HERC1: variants seen among roughly 807,000 people sequenced by gnomAD.
The protein encoded by HERC1 is probable E3 ubiquitin-protein ligase HERC1.
Under a neutral mutation model 554.3 loss-of-function variants are expected in HERC1, and 160 were observed. The observed-to-expected ratio is 0.29, with a 90% confidence interval of 0.25 to 0.33. The LOEUF (loss-of-function observed/expected upper bound fraction) is 0.33. Among genes scored for constraint, HERC1 ranks in the 10% least tolerant of loss-of-function variants. The pLI, the probability that HERC1 is intolerant of heterozygous loss-of-function variation, is 1.00. For synonymous variants in HERC1, 2,175 were observed against 2,131.7 expected, an observed-to-expected ratio of 1.02 and a Z score of -0.56; for missense variants, 4,919 against 5,918.5, an observed-to-expected ratio of 0.83 and a Z score of 5.54.
In HERC1 at chr15:63,680,795, A is replaced by G. The variant is rs2071436297; in HGVS notation, c.6226-19T>C. ...TATAAAACTAAAATAAAAGTGGGAT[A>G]TTCATTAATACTCAAAAAATCTATT... On this transcript the variant is annotated intron_variant, in intron 34 of 77. Coordinates refer to ENST00000443617, the MANE Select transcript of HERC1 (RefSeq NM_003922.4). This position sits in a 1 kb window ranked among gnomAD's most constrained non-coding sequence, Gnocchi z 5.8. The G allele has an allele frequency of 6.4e-7, 1 of 1,565,092 alleles. No homozygotes were observed.
intron 12 of HERC1, among the ~76,000 whole-genome samples, chr15:63,744,081 T>C (rs1177804966): frequency 6.6e-6 from 1 of 151,168 alleles, no homozygotes; most frequent in Non-Finnish European, 1.5e-5. Context: ...GAGACTCTTG[T>C]TCTCTTCCCT....
At chr15:63,613,731 G>T (rs1338770778) in intron 76 of HERC1, among the ~76,000 whole-genome samples, 2 of 152,042 alleles carry the variant, frequency 1.3e-5, no homozygotes, top group African/African-American at 4.8e-5. Flanking sequence ...CTACTTGGAA[G>T]GCTAAGGCAG....
At chr15:63,662,099 T>A in intron 44 of HERC1, 78 bp from the exon 45 acceptor site, 1 of 1,338,964 alleles carries the variant, frequency 7.5e-7, no homozygotes, top group Non-Finnish European at 1.0e-6. Context: ...TTATTTATAT[T>A]AAATTACTTT....
intron 24 of HERC1, among the ~76,000 whole-genome samples, chr15:63,709,240 G>A (rs2073171056): frequency 6.6e-6 from 1 of 151,480 alleles, no homozygotes; most frequent in African/African-American, 2.4e-5. Context: ...GAACTCCTGG[G>A]CTCAAGCAAT....
At chr15:63,655,091 T>C (rs2069949198) in intron 50 of HERC1, among the ~76,000 whole-genome samples, 1 of 151,820 alleles carries the variant, frequency 6.6e-6, no homozygotes, top group African/African-American at 2.4e-5. Context: ...TGGTGGCTCA[T>C]GCCTGTAATC....
chr15:63,772,230 A>G (rs1474281568), intron 2 of HERC1, among the ~76,000 whole-genome samples: 3 of 152,072 alleles, frequency 2.0e-5, no homozygotes, highest in Non-Finnish European at 1.5e-5. Context: ...AAAGAAATCT[A>G]TTTTCTGGGG....
chr15:63,796,179 C>G (rs1184283704), intron 1 of HERC1, among the ~76,000 whole-genome samples: 2 of 152,170 alleles, frequency 1.3e-5, no homozygotes, highest in Non-Finnish European at 2.9e-5. Context: ...TTATTTTTTA[C>G]AAGTAGAATA....
chr15:63,733,248 A>C, intron 13 of HERC1, 103 bp from the exon 14 acceptor site: 1 of 715,066 alleles, frequency 1.4e-6, no homozygotes, highest in Admixed American at 2.3e-5. Flanking sequence ...TTACTAGCTT[A>C]ATAAATAATC....
chr15:63,638,663 A>C (rs1350381943), intron 62 of HERC1, 48 bp downstream of exon 62: 2 of 1,592,476 alleles, frequency 1.3e-6, no homozygotes, highest in Admixed American at 3.3e-5. Flanking sequence ...ATTTAGAATC[A>C]AAACATTGAC....
Position 63,758,790 on chromosome 15 carries a change from G to T in HERC1, c.1027-421C>A, listed in dbSNP as rs1026351417. Among the ~76,000 whole-genome samples the T allele has an allele frequency of 1.3e-5, 2 of 152,064 alleles. No homozygotes were observed. Among genetic ancestry groups the T allele is most frequent in the African/African-American group, 4.8e-5 (2 of 41,410 alleles). ...AGAGGATACATAAAAGTGACAAACT[G>T]CACAAAAGAGTCATGCAAATCCATG... On this transcript the variant is annotated intron_variant, in intron 3 of 77. Coordinates refer to ENST00000443617, the MANE Select transcript of HERC1 (RefSeq NM_003922.4). The surrounding 1 kb of genome is among the most constrained non-coding windows in gnomAD (Gnocchi z 4.0).
rs2067476364 is a variant in HERC1 at position 63,608,923 on chromosome 15, T to A, written c.*158A>T. The stretch of plus-strand genomic sequence containing the variant: ...ATCACAGAAAAATAAAAACATCTAA[T>A]TTCTTTGTTACATTTAGAGTAACTA... On this transcript the variant is annotated 3_prime_UTR_variant, in exon 78 of 78. Transcript: ENST00000443617. 5.5e-6 allele frequency: 3 copies of A among 549,946 alleles called. No individual in the cohort carries two copies. The South Asian group carries it at 1.5e-4, about 27-fold the overall frequency. 34.1% of individuals were successfully genotyped at this position (549,946 alleles called of 1,614,324 possible).
chr15:63,800,294 T>C (rs2076938906), intron 1 of HERC1, among the ~76,000 whole-genome samples: 1 of 152,160 alleles, frequency 6.6e-6, no homozygotes, highest in African/African-American at 2.4e-5. Flanking sequence ...AAGAACAAAA[T>C]CTCTCCTCTG....
At chr15:63,786,730 T>G (rs904754791) in intron 1 of HERC1, among the ~76,000 whole-genome samples, 2 of 152,076 alleles carry the variant, frequency 1.3e-5, no homozygotes, top group Admixed American at 1.3e-4. Flanking sequence ...GAAAGTAGAT[T>G]AGTAGTTGCC....
intron 1 of HERC1, among the ~76,000 whole-genome samples, chr15:63,799,211 T>C (rs934304633): frequency 6.6e-6 from 1 of 152,122 alleles, no homozygotes; most frequent in Non-Finnish European, 1.5e-5. Flanking sequence ...TAACAAAAAG[T>C]AGCTATTGGC....
chr15:63,760,242 G>C (rs1157943910), intron 3 of HERC1, among the ~76,000 whole-genome samples: 1 of 151,664 alleles, frequency 6.6e-6, no homozygotes, highest in Admixed American at 6.6e-5. Context: ...AAAAAAAACA[G>C]AGGGAGGGAG....
intron 1 of HERC1, among the ~76,000 whole-genome samples, chr15:63,811,633 C>A (rs2077314207): frequency 6.6e-6 from 1 of 151,640 alleles, no homozygotes; most frequent in Non-Finnish European, 1.5e-5. Context: ...CATGGTGAAA[C>A]CCCGTCTCTC....
Position 63,756,578 on chromosome 15 carries a change from T to G in HERC1, c.1392A>C (p.Lys464Asn). The G allele has an allele frequency of 6.2e-7, 1 of 1,613,956 alleles. No homozygotes were observed. Among genetic ancestry groups the G allele is most frequent in the Non-Finnish European group, 8.5e-7 (1 of 1,179,832 alleles). ...AGGCTAAAGTGTGACCATCAGATCC[T>G]TTAGAAGATGAAACCTTTTTAATGG... ...HRSIKKVSSS[K>N]GSDGHTLAFT... Residue 464 changes from lysine (K) to asparagine (N), a missense_variant, in exon 5 of 78, where the codon AAA becomes AAC. Around this residue, in one of 11 missense-constraint regions of HERC1, gnomAD observed 744 missense variants for 1,090.0 expected, o/e 0.68. Coordinates refer to ENST00000443617, the MANE Select transcript of HERC1 (RefSeq NM_003922.4). The surrounding 1 kb of genome is among the most constrained non-coding windows in gnomAD (Gnocchi z 5.0).
In HERC1 at chr15:63,734,909, C is replaced by A. The variant is rs891150606; in HGVS notation, c.2521-60G>T. The A allele has an allele frequency of 2.1e-6, 3 of 1,449,616 alleles. No homozygotes were observed. The highest frequency in any genetic ancestry group is 2.8e-6 in the Non-Finnish European group (3 of 1,061,494). 89.8% of individuals were successfully genotyped at this position (1,449,616 alleles called of 1,614,324 possible). A position where few individuals can be genotyped will look rare whatever the true frequency, so the allele number is the denominator to read the frequency against. On this transcript the variant is annotated intron_variant, in intron 12 of 77. Coordinates refer to ENST00000443617, the MANE Select transcript of HERC1 (RefSeq NM_003922.4). This position sits in a 1 kb window ranked among gnomAD's most constrained non-coding sequence, Gnocchi z 4.6. ...TGGTTCTTAGTTTTTAATAAAAACA[C>A]ACTTAAAGCGAACTCACTGACTACT...
At chr15:63,780,629 G>A (rs1375055942) in intron 1 of HERC1, 1 of 152,136 alleles carries the variant, frequency 6.6e-6, no homozygotes, top group Non-Finnish European at 1.5e-5. Flanking sequence ...GGCTGAGGCA[G>A]GAGAATGGTG....
Sources: allele counts gnomAD v4.1 joint callset (sites outside exome capture counted in the v4.1 genomes callset), GRCh38; gene constraint gnomAD v4.1.1; regional missense constraint gnomAD v4.1.1; non-coding constraint Gnocchi (gnomAD v3.1); transcripts MANE v1.5; gene names NCBI Gene and HGNC (gene_info 2026-07-23, HGNC 2026-07-21).